CENPN: variants seen among roughly 807,000 people sequenced by gnomAD.
CENPN encodes the protein interphase centromere complex protein 32.
In CENPN, 36 loss-of-function variants were observed where a neutral mutation model predicts 48.6. The ratio of observed to expected loss-of-function variants is 0.74; its 90% CI spans 0.57 to 0.98. The LOEUF (loss-of-function observed/expected upper bound fraction) is 0.98. CENPN is among the 50% of genes least tolerant of loss of function. The pLI, the probability that CENPN is intolerant of heterozygous loss-of-function variation, is 0.00. For synonymous variants in CENPN, 166 were observed against 135.2 expected (o/e 1.23, Z -1.58); for missense variants, 439 against 399.2 (o/e 1.10, Z -0.85).
chr16:81,011,645 G>A (rs776162443), intron 1 of CENPN, among the ~76,000 whole-genome samples: 7 of 152,164 alleles, frequency 4.6e-5, no homozygotes, highest in Non-Finnish European at 7.4e-5. Flanking sequence ...CTAAAACACT[G>A]CAAAATAGCT....
chr16:81,022,689 G>T lies in CENPN; in HGVS notation c.624G>T (p.Gln208His). 1 of 1,614,036 alleles carries T rather than the reference G, an allele frequency of 6.2e-7. No homozygotes were observed. Among genetic ancestry groups the T allele is most frequent in the South Asian group, 1.1e-5 (1 of 91,082 alleles). Reference protein sequence around the residue: ...LDSLKAIVFKQYNQTFETHNS... With the variant: ...LDSLKAIVFKHYNQTFETHNS... ...CTCTTAAGGCTATTGTTTTTAAACA[G>T]TATAATCAGGTGAGCCAATCAGTGA... The change falls in exon 7 of 11, where the codon CAG (glutamine) becomes CAT (histidine). Residue 208 changes from glutamine (Q) to histidine (H), a missense_variant. Physicochemically the swap from Gln to His is conservative, Grantham distance 24. Transcript: ENST00000305850.
At chr16:81,017,624 C>G in intron 4 of CENPN, 134 bp from the exon 5 acceptor site, 3 of 728,812 alleles carry the variant, frequency 4.1e-6, no homozygotes, top group Non-Finnish European at 7.1e-6. Flanking sequence ...GAAGTACTAG[C>G]ACCATTTGTG....
At chr16:81,023,689 C>G (rs2151701078) in intron 7 of CENPN, 1 of 152,360 alleles carries the variant, frequency 6.6e-6, no homozygotes, top group Middle Eastern at 3.4e-3. Context: ...GTAACCCTAG[C>G]TCTTTGGGAG....
chr16:81,015,898 G>A (rs1254994210), intron 3 of CENPN, among the ~76,000 whole-genome samples: 1 of 151,990 alleles, frequency 6.6e-6, no homozygotes, highest in East Asian at 1.9e-4. Context: ...TCTGCTATTC[G>A]GGAGGCTGAG....
chr16:81,007,785 C>T (rs1356201170), intron 1 of CENPN, among the ~76,000 whole-genome samples: 1 of 152,126 alleles, frequency 6.6e-6, no homozygotes, highest in Non-Finnish European at 1.5e-5. Flanking sequence ...GTATGTCAGA[C>T]ACTAAAACGC....
rs1268521303 is a variant in CENPN, at chr16:81,024,907, AG to A, written c.697+130del. On this transcript the variant is annotated intron_variant, in intron 8 of 10. Transcript: ENST00000305850. The stretch of plus-strand genomic sequence containing the variant: ...TTTATTGTTTTCAGAAAAATTGAAA[AG>A]TAAATATCTGTTGAAGGAGGAAAGC... The A allele has an allele frequency of 9.6e-6, 5 of 521,492 alleles. No individual in the cohort carries two copies. In the East Asian group the frequency reaches 1.7e-4, roughly 17 times the overall value. 32.3% of individuals were successfully genotyped at this position (521,492 alleles called of 1,614,324 possible).
intron 3 of CENPN, among the ~76,000 whole-genome samples, chr16:81,014,698 A>C (rs939996711): frequency 6.6e-6 from 1 of 152,210 alleles, no homozygotes; most frequent in African/African-American, 2.4e-5. Flanking sequence ...TGTTAGGATT[A>C]AATGAGGTAG....
chr16:81,030,373 T>G lies in CENPN; in HGVS notation c.*1722T>G. 1.0e-6 allele frequency: 1 copy of G among 985,160 alleles called. No individual in the cohort carries two copies. Among genetic ancestry groups the G allele is most frequent in the South Asian group, 4.7e-5 (1 of 21,276 alleles). 61.0% of individuals were successfully genotyped at this position (985,160 alleles called of 1,614,324 possible). ...CTTCAGGAGGTTTCTCCTAGTGTAC[T>G]CTCACACTTCTGATACCAGATATGT... On this transcript the variant is annotated 3_prime_UTR_variant, in exon 11 of 11. Transcript: ENST00000305850.
At chr16:81,022,924 C>T in intron 7 of CENPN, 1 of 1,556,556 alleles carries the variant, frequency 6.4e-7, no homozygotes, top group Non-Finnish European at 8.7e-7. Flanking sequence ...TCACTGGAGT[C>T]TGTGTTGTAG....
intron 7 of CENPN, chr16:81,023,653 GT>G (rs1204101450): frequency 1.3e-5 from 2 of 152,156 alleles, no homozygotes; most frequent in Non-Finnish European, 2.9e-5. Flanking sequence ...TACGACAGTA[GT>G]GGCCAGGCAC....
intron 9 of CENPN, 28 bp downstream of exon 9, chr16:81,026,666 C>A (rs1466382393): frequency 3.6e-6 from 4 of 1,120,318 alleles, no homozygotes; most frequent in Non-Finnish European, 2.6e-6. Flanking sequence ...ATATTAAGTA[C>A]AAGATATCAA....
intron 6 of CENPN, chr16:81,022,238 C>T: frequency 4.1e-6 from 1 of 246,040 alleles, no homozygotes; most frequent in South Asian, 4.9e-5. Flanking sequence ...GCATACATAT[C>T]TGCGTTTTTG....
chr16:81,023,178 T>TA (rs1241602736), intron 7 of CENPN: 7 of 321,366 alleles, frequency 2.2e-5, no homozygotes, highest in Non-Finnish European at 4.2e-5. Flanking sequence ...TAATGACAAA[T>TA]ACAGATCTGT....
chr16:81,017,837 A>G lies in CENPN; in HGVS notation c.354+3A>G, dbSNP rs763123532. On this transcript the variant is annotated splice_donor_region_variant and intron_variant, in intron 5 of 10. Transcript: ENST00000305850. ...TTCTTCAGAGAGCATTAAAAAATGT[A>G]AGAATAAAATTCATCTTTTACATAA... The G allele has an allele frequency of 6.7e-7, 1 of 1,485,902 alleles. No individual in the cohort carries two copies. The highest frequency in any genetic ancestry group is 9.3e-7 in the Non-Finnish European group (1 of 1,078,208). 92.0% of individuals were successfully genotyped at this position (1,485,902 alleles called of 1,614,324 possible).
rs1970632371 is a variant in CENPN, at chr16:81,028,785, C to T, written c.*134C>T. On this transcript the variant is annotated 3_prime_UTR_variant, in exon 11 of 11. Transcript: ENST00000305850. ...CCTTGGTATTGAATTTTTAGAAATG[C>T]TCACATAATTGTTGGGACTGATTCA... The T allele has an allele frequency of 1.4e-6, 2 of 1,438,332 alleles. No homozygotes were observed. Among genetic ancestry groups the T allele is most frequent in the Non-Finnish European group, 9.1e-7 (1 of 1,099,556 alleles). The allele number at this position is 1,438,332 out of a possible 1,614,324, so 89.1% of individuals were successfully genotyped here. A position where few individuals can be genotyped will look rare whatever the true frequency, so the allele number is the denominator to read the frequency against.
rs187560137 is a variant in CENPN at position 81,030,469 on chromosome 16, C to A, written c.*1818C>A. 2,461 of 919,028 alleles carry A rather than the reference C, an allele frequency of 2.7e-3. 2 individuals carry two copies. The highest frequency in any genetic ancestry group is 3.3e-3 in the South Asian group (66 of 19,936). The allele number at this position is 919,028 out of a possible 1,614,324, so 56.9% of individuals were successfully genotyped here. On this transcript the variant is annotated 3_prime_UTR_variant, in exon 11 of 11. Coordinates refer to ENST00000305850, the MANE Select transcript of CENPN (RefSeq NM_001100624.3). ...TATAGAAAAATGACTTCACTCTGGG[C>A]CGGGTGTAGTGGCTCACGCCTGTAA...
At chr16:81,010,072 G>A (rs1048157834) in intron 1 of CENPN, among the ~76,000 whole-genome samples, 3 of 152,130 alleles carry the variant, frequency 2.0e-5, no homozygotes, top group Non-Finnish European at 4.4e-5. Flanking sequence ...GGTGGTGCAC[G>A]CCTGCAGTCC....
chr16:81,026,609 C>G lies in CENPN; in HGVS notation c.781C>G (p.Gln261Glu), dbSNP rs760368055. 2.3e-5 allele frequency: 37 copies of G among 1,594,614 alleles called. No individual in the cohort carries two copies. Among genetic ancestry groups the G allele is most frequent in the Admixed American group, 1.2e-4 (7 of 59,514 alleles). The change falls in exon 9 of 11, where the codon CAA becomes GAA. Residue 261 changes from glutamine to glutamate, a missense_variant. Coordinates refer to ENST00000305850, the MANE Select transcript of CENPN (RefSeq NM_001100624.3). Reference protein sequence around the residue: ...ITQETFGDYPQPQLEFAQYKL... With the variant: ...ITQETFGDYPEPQLEFAQYKL... ...TCAAGAAACATTTGGAGATTATCCT[C>G]AACCACAACTAGAATTTGCACAATA...
intron 6 of CENPN, 53 bp from the exon 7 acceptor site, chr16:81,022,544 A>G (rs973364187): frequency 6.9e-7 from 1 of 1,440,232 alleles, no homozygotes; most frequent in Admixed American, 1.7e-5. Flanking sequence ...GACAAGTATT[A>G]TAAACACAGA....
Sources: allele counts gnomAD v4.1 joint callset (sites outside exome capture counted in the v4.1 genomes callset), GRCh38; gene constraint gnomAD v4.1.1; transcripts MANE v1.5; gene names NCBI Gene and HGNC (gene_info 2026-07-23, HGNC 2026-07-21).